Variants in CHL1 observed in about 807,000 individuals in gnomAD.
CHL1 encodes the protein neural cell adhesion molecule L1-like protein.
A neutral mutation model predicts 141.9 loss-of-function variants in CHL1; 96 were observed. The observed-to-expected ratio is 0.68, with a 90% CI of 0.57 to 0.80. CHL1 has a LOEUF of 0.80. Among genes scored for constraint, CHL1 ranks in the 30% least tolerant of loss-of-function variants. CHL1 has a pLI of 0.00. For synonymous variants in CHL1, 613 were observed against 502.2 expected (o/e 1.22, Z -2.95); for missense variants, 1,820 against 1,457.2 (o/e 1.25, Z -4.05).
intron 1 of CHL1, among the ~76,000 whole-genome samples, chr3:227,698 G>C (rs1003840380): frequency 6.6e-6 from 1 of 152,290 alleles, no homozygotes; most frequent in Non-Finnish European, 1.5e-5. Flanking sequence ...CAGGCAAATC[G>C]TTCTTTGTAC....
chr3:308,429 C>G (rs1049680907), intron 2 of CHL1, among the ~76,000 whole-genome samples: 5 of 152,000 alleles, frequency 3.3e-5, no homozygotes, highest in Non-Finnish European at 5.9e-5. Flanking sequence ...AATGTGCTCA[C>G]TACTGATATC....
intron 2 of CHL1, chr3:308,962 C>G (rs553415429): frequency 6.5e-6 from 1 of 154,030 alleles, no homozygotes; most frequent in African/African-American, 2.4e-5. Context: ...GTCCGCTGGG[C>G]CCCCTTCTTG....
Position 408,247 on chromosome 3 carries a change from G to C in CHL1, c.*2536G>C, listed in dbSNP as rs1008558257. ...ACAGCCAATATTTAAAACTTTGTTC[G>C]TTACTGGCTTTACCCTAACTTTCTC... On this transcript the variant is annotated 3_prime_UTR_variant, in exon 28 of 28. Transcript: ENST00000256509. The C allele has an allele frequency of 3.3e-5, 5 of 151,964 alleles. No homozygotes were observed. The highest frequency in any genetic ancestry group is 3.9e-4 in the East Asian group (2 of 5,186). The allele number at this position is 151,964 out of a possible 1,614,324, so 9.4% of individuals were successfully genotyped here.
intron 1 of CHL1, among the ~76,000 whole-genome samples, chr3:232,304 A>C (rs1846447): frequency 6.6e-6 from 1 of 151,994 alleles, no homozygotes; most frequent in Admixed American, 6.6e-5. Context: ...TCTTTGTACT[A>C]AGTTATTTTT....
At chr3:309,217 T>G (rs188825941) in intron 2 of CHL1, 1 of 152,878 alleles carries the variant, frequency 6.5e-6, no homozygotes, top group African/African-American at 2.4e-5. Flanking sequence ...CCCGCCTTAG[T>G]CCTGGCAGTG....
intron 2 of CHL1, among the ~76,000 whole-genome samples, chr3:317,048 T>C: frequency 6.6e-6 from 1 of 152,086 alleles, no homozygotes; most frequent in East Asian, 1.9e-4. Flanking sequence ...CGTCAGCTAA[T>C]GGAGTCTTAC....
chr3:337,156 G>C (rs1701930348), intron 5 of CHL1, among the ~76,000 whole-genome samples: 1 of 149,586 alleles, frequency 6.7e-6, no homozygotes, highest in Admixed American at 6.7e-5. Context: ...TCTAGACTTG[G>C]TTATAATGGG....
intron 26 of CHL1, among the ~76,000 whole-genome samples, chr3:400,704 A>G (rs1156520091): frequency 6.6e-6 from 1 of 151,512 alleles, no homozygotes; most frequent in Admixed American, 6.6e-5. Flanking sequence ...CGGGAGGCTG[A>G]GGCAGGAGAA....
chr3:333,264 C>A (rs1256521172), intron 5 of CHL1, among the ~76,000 whole-genome samples: 1 of 151,356 alleles, frequency 6.6e-6, no homozygotes, highest in African/African-American at 2.4e-5. Flanking sequence ...TGAATAGTAA[C>A]CCAACCCAAT....
intron 1 of CHL1, among the ~76,000 whole-genome samples, chr3:208,655 C>T (rs999439294): frequency 6.6e-6 from 1 of 152,104 alleles, no homozygotes; most frequent in African/African-American, 2.4e-5. Context: ...GAATATGGTA[C>T]CATTAATGAA....
intron 7 of CHL1, among the ~76,000 whole-genome samples, chr3:342,514 A>C (rs532257022): frequency 6.6e-6 from 1 of 152,140 alleles, no homozygotes; most frequent in Non-Finnish European, 1.5e-5. Flanking sequence ...CCCTTTCCCG[A>C]CTTGATTCTG....
At chr3:280,954 G>C (rs1483580536) in intron 2 of CHL1, among the ~76,000 whole-genome samples, 1 of 151,776 alleles carries the variant, frequency 6.6e-6, no homozygotes, top group Non-Finnish European at 1.5e-5. Context: ...ACAACTGTTT[G>C]CTACAGGATT....
In CHL1 at chr3:314,173, G is replaced by C. The variant is rs77058455; in HGVS notation, c.-94-5510G>C. 6.7e-3 allele frequency among the ~76,000 whole-genome samples: 1,011 copies of C among 151,522 alleles called. 13 individuals are homozygous for C. Among genetic ancestry groups the C allele is most frequent in the African/African-American group, 0.023 (956 of 41,376 alleles). ...TTGCCTAAAGAATCTCCTTACTGCT[G>C]TTGAAATATTTTAGGCTGATTTCTG... On this transcript the variant is annotated intron_variant, in intron 2 of 27. Coordinates refer to ENST00000256509, the MANE Select transcript of CHL1 (RefSeq NM_006614.4).
chr3:310,743 C>T (rs1278773548), intron 2 of CHL1, among the ~76,000 whole-genome samples: 11 of 152,170 alleles, frequency 7.2e-5, no homozygotes, highest in African/African-American at 2.2e-4. Context: ...ATATCAATAA[C>T]GCCCCAAATC....
chr3:332,395 T>C (rs1051895482), intron 5 of CHL1, among the ~76,000 whole-genome samples: 3 of 152,110 alleles, frequency 2.0e-5, no homozygotes, highest in African/African-American at 7.2e-5. Context: ...TTACCTGTAA[T>C]GGAAGTAAAA....
At chr3:272,902 G>A (rs555270351) in intron 2 of CHL1, among the ~76,000 whole-genome samples, 9 of 152,276 alleles carry the variant, frequency 5.9e-5, no homozygotes, top group African/African-American at 2.2e-4. Context: ...GAGAGCAACA[G>A]TCTAATCTAG....
intron 2 of CHL1, among the ~76,000 whole-genome samples, chr3:263,085 T>C (rs1167085370): frequency 6.6e-6 from 1 of 151,958 alleles, no homozygotes; most frequent in Non-Finnish European, 1.5e-5. Flanking sequence ...ATTTGGAGAG[T>C]AGATTCTTCT....
intron 2 of CHL1, among the ~76,000 whole-genome samples, chr3:296,177 T>G (rs1198809443): frequency 2.0e-5 from 3 of 152,178 alleles, no homozygotes; most frequent in Non-Finnish European, 4.4e-5. Context: ...CCGTACGCAC[T>G]TAGTAGATAC....
In CHL1 at chr3:328,153, G is replaced by C. The variant is rs74957564; in HGVS notation, c.198-14G>C. The C allele has an allele frequency of 3.0e-4, 480 of 1,594,680 alleles. 4 individuals are homozygous for C. The African/African-American group carries it at 5.7e-3, about 19-fold the overall frequency. On this transcript the variant is annotated splice_polypyrimidine_tract_variant and intron_variant, in intron 4 of 27. Coordinates refer to ENST00000256509, the MANE Select transcript of CHL1 (RefSeq NM_006614.4). ...TTATTTTTCAGGATTATTAAGTTCA[G>C]TTTTATGTTTTAGATTTTCGTGGAC...
Sources: gnomAD v4.1 joint callset for allele counts (sites outside exome capture counted in the v4.1 genomes callset) on GRCh38, gnomAD v4.1.1 for gene constraint, MANE v1.5 for transcripts, NCBI Gene and HGNC (gene_info 2026-07-23, HGNC 2026-07-21) for gene names.